PRKG1: variants seen among roughly 807,000 people sequenced by gnomAD.
PRKG1 encodes the protein protein kinase cGMP-dependent 1.
In PRKG1, 35 loss-of-function variants were observed where a neutral mutation model predicts 88.1. The observed-to-expected ratio is 0.40, with a 90% CI of 0.30 to 0.53. The LOEUF (loss-of-function observed/expected upper bound fraction) is 0.53, where lower values mean the gene tolerates loss of function less well. Ranked by LOEUF, PRKG1 falls within the 20% of genes least tolerant of loss-of-function variation. PRKG1 has a pLI of 0.59. For missense variants in PRKG1, 540 were observed against 839.8 expected (o/e 0.64, Z 4.41); for synonymous variants, 303 against 292.5 (o/e 1.04, Z -0.37).
rs146563394 is a variant in PRKG1 at position 52,213,011 on chromosome 10, G to T, written c.1077-38559G>T. On this transcript the variant is annotated intron_variant, in intron 9 of 17. Coordinates refer to ENST00000373980, the MANE Select transcript of PRKG1 (RefSeq NM_006258.4). ...TATCAGTGGTCCTGATAACCACTGC[G>T]TACATGAATGTTTACACACTAAGAA... is the stretch of plus-strand genomic sequence containing the variant. 5.3e-5 allele frequency among the ~76,000 whole-genome samples: 8 copies of T among 152,134 alleles called. No homozygotes were observed. In the South Asian group the frequency reaches 6.2e-4, roughly 12 times the overall value.
intron 3 of PRKG1, among the ~76,000 whole-genome samples, chr10:51,601,384 A>G (rs569807842): frequency 6.6e-6 from 1 of 152,318 alleles, no homozygotes; most frequent in East Asian, 1.9e-4. Flanking sequence ...ATTTGAAGTG[A>G]AGGGAAATAA....
At chr10:51,674,742 T>C (rs1260164979) in intron 3 of PRKG1, among the ~76,000 whole-genome samples, 1 of 152,204 alleles carries the variant, frequency 6.6e-6, no homozygotes, top group East Asian at 1.9e-4. Context: ...ACAATTTGGA[T>C]GAACCCGAGA....
chr10:51,513,466 G>C (rs977057414), intron 3 of PRKG1, among the ~76,000 whole-genome samples: 1 of 108,542 alleles, frequency 9.2e-6, no homozygotes, highest in African/African-American at 3.1e-5. Context: ...GGATACCCAG[G>C]AATTGAACTC....
intron 4 of PRKG1, among the ~76,000 whole-genome samples, chr10:51,889,953 T>C (rs1841675728): frequency 6.6e-6 from 1 of 152,212 alleles, no homozygotes; most frequent in Admixed American, 6.5e-5. Context: ...AGATTCTGGA[T>C]ATTAGCCCTT....
intron 4 of PRKG1, 101 bp downstream of exon 4, chr10:51,804,791 C>A: frequency 1.3e-6 from 1 of 764,418 alleles, no homozygotes; most frequent in Non-Finnish European, 2.2e-6. Context: ...TTGCCTTTCT[C>A]TCAGTCATAA....
At chr10:51,251,179 A>G (rs1384239784) in intron 2 of PRKG1, among the ~76,000 whole-genome samples, 1 of 151,736 alleles carries the variant, frequency 6.6e-6, no homozygotes, top group Non-Finnish European at 1.5e-5. Flanking sequence ...TCCTTTTCCT[A>G]TTTTAATATA....
intron 9 of PRKG1, among the ~76,000 whole-genome samples, chr10:52,206,709 C>T (rs1170390836): frequency 6.6e-6 from 1 of 152,208 alleles, no homozygotes; most frequent in Non-Finnish European, 1.5e-5. Context: ...CACTCCTGGA[C>T]TGTGTGATTT....
rs1368731616 is a variant in PRKG1 at position 51,959,254 on chromosome 10, T to C, written c.762+51684T>C. 2.0e-5 allele frequency among the ~76,000 whole-genome samples: 3 copies of C among 152,180 alleles called. No individual in the cohort carries two copies. The East Asian group carries it at 5.8e-4, about 29-fold the overall frequency. On this transcript the variant is annotated intron_variant, in intron 5 of 17. Transcript: ENST00000373980. ...TGTGTACAAATATGCAATCACAGAG[T>C]AATTAATCATCATTTTACGATAATT...
intron 2 of PRKG1, among the ~76,000 whole-genome samples, chr10:51,330,837 C>T (rs1389029617): frequency 6.6e-6 from 1 of 152,060 alleles, no homozygotes; most frequent in Non-Finnish European, 1.5e-5. Flanking sequence ...ATGATATTTC[C>T]CCAATAGTTC....
intron 2 of PRKG1, among the ~76,000 whole-genome samples, chr10:51,266,136 C>T (rs545212746): frequency 6.6e-6 from 1 of 152,266 alleles, no homozygotes; most frequent in East Asian, 1.9e-4. Context: ...GAATGCAGCT[C>T]TGGGAACTAG....
intron 3 of PRKG1, among the ~76,000 whole-genome samples, chr10:51,773,357 A>C (rs1838353714): frequency 6.6e-6 from 1 of 152,080 alleles, no homozygotes; most frequent in African/African-American, 2.4e-5. Context: ...GATCCATGGA[A>C]TCTTGATTCA....
intron 3 of PRKG1, among the ~76,000 whole-genome samples, chr10:51,629,383 G>A (rs991123570): frequency 1.3e-5 from 2 of 151,790 alleles, no homozygotes; most frequent in Non-Finnish European, 2.9e-5. Flanking sequence ...TAATACAATA[G>A]TTATACAACT....
chr10:51,915,585 G>A (rs1176434576), intron 5 of PRKG1, among the ~76,000 whole-genome samples: 1 of 151,844 alleles, frequency 6.6e-6, no homozygotes, highest in East Asian at 1.9e-4. Flanking sequence ...TGGAAGATGG[G>A]GAGGATAAAA....
intron 1 of PRKG1, among the ~76,000 whole-genome samples, chr10:51,084,755 A>C (rs985407501): frequency 6.6e-6 from 1 of 152,218 alleles, no homozygotes; most frequent in Non-Finnish European, 1.5e-5. Context: ...AAGAAGTAAC[A>C]TTGTACTTCT....
At chr10:51,136,292 A>G (rs922442116) in intron 1 of PRKG1, among the ~76,000 whole-genome samples, 6 of 151,962 alleles carry the variant, frequency 3.9e-5, no homozygotes, top group Non-Finnish European at 7.4e-5. Flanking sequence ...TGGGAAAGGA[A>G]GATGCATTCA....
intron 3 of PRKG1, among the ~76,000 whole-genome samples, chr10:51,687,277 C>T (rs1029234192): frequency 6.6e-6 from 1 of 152,172 alleles, no homozygotes; most frequent in African/African-American, 2.4e-5. Flanking sequence ...CTACCATTTC[C>T]AATACATTTA....
At chr10:51,640,165 A>G (rs953044145) in intron 3 of PRKG1, among the ~76,000 whole-genome samples, 6 of 152,224 alleles carry the variant, frequency 3.9e-5, no homozygotes, top group Admixed American at 6.5e-5. Context: ...CCTGCAATGT[A>G]TCTTCCAATT....
At position 51,523,887 on chromosome 10, in the gene PRKG1, G is replaced by T. The variant is rs549975989; in HGVS notation, c.592+56051G>T. On this transcript the variant is annotated intron_variant, in intron 3 of 17. Transcript: ENST00000373980. ...TTTAATTTGATAATTGATATGGTTT[G>T]GATCTATATGCCCACCCAAATTTCG... Among the ~76,000 whole-genome samples, 4 of 152,266 alleles carry T rather than the reference G, an allele frequency of 2.6e-5. No individual in the cohort carries two copies. The South Asian group carries it at 6.2e-4, about 24-fold the overall frequency.
chr10:51,610,311 T>G (rs553157079), intron 3 of PRKG1, among the ~76,000 whole-genome samples: 1 of 152,278 alleles, frequency 6.6e-6, no homozygotes, highest in African/African-American at 2.4e-5. Flanking sequence ...TTCCAGTCTC[T>G]GGTATCCATC....
Sources: gnomAD v4.1 joint callset for allele counts (sites outside exome capture counted in the v4.1 genomes callset) on GRCh38, gnomAD v4.1.1 for gene constraint, MANE v1.5 for transcripts, NCBI Gene and HGNC (gene_info 2026-07-23, HGNC 2026-07-21) for gene names.